Variants in PPP1R17 observed in about 807,000 individuals in gnomAD.
The protein encoded by PPP1R17 is G-substrate.
Under a neutral mutation model 15.9 loss-of-function variants are expected in PPP1R17, and 12 were observed. That is an observed-to-expected ratio of 0.75 (90% CI 0.48 to 1.22). The LOEUF (loss-of-function observed/expected upper bound fraction) is 1.22, where lower values mean the gene tolerates loss of function less well. Ranked by LOEUF, PPP1R17 falls within the 50% of genes most tolerant of loss-of-function variation. PPP1R17 has a pLI of 0.00. For missense variants in PPP1R17, 211 were observed against 187.3 expected (o/e 1.13, Z -0.74); for synonymous variants, 63 against 64.5 (o/e 0.98, Z 0.11).
At chr7:31,695,099 C>G (rs1359924585) in intron 2 of PPP1R17, among the ~76,000 whole-genome samples, 1 of 152,058 alleles carries the variant, frequency 6.6e-6, no homozygotes, top group Admixed American at 6.6e-5. Context: ...CCAAAGAGAG[C>G]AAGTCTTGAG....
At chr7:31,705,639 T>C (rs1793033898) in intron 4 of PPP1R17, among the ~76,000 whole-genome samples, 1 of 152,222 alleles carries the variant, frequency 6.6e-6, no homozygotes, top group African/African-American at 2.4e-5. Flanking sequence ...TTTTCATTAA[T>C]TTACTGCTGT....
chr7:31,706,774 G>C lies in PPP1R17; in HGVS notation c.389-430G>C, dbSNP rs75623184. On this transcript the variant is annotated intron_variant, in intron 4 of 4. Coordinates refer to ENST00000342032, the MANE Select transcript of PPP1R17 (RefSeq NM_006658.5). ...CATTGTGACATATATCTTATTTAATGGTCACAATAACCCTTTATAATAATT... is the reference window on the plus strand; with the variant it reads ...CATTGTGACATATATCTTATTTAATCGTCACAATAACCCTTTATAATAATT... Among the ~76,000 whole-genome samples, 1,004 of 152,286 alleles carry C rather than the reference G, an allele frequency of 6.6e-3. 9 individuals carry two copies. The highest frequency in any genetic ancestry group is 0.023 in the African/African-American group (956 of 41,546).
At chr7:31,687,637 A>T (rs972615419) in intron 1 of PPP1R17, among the ~76,000 whole-genome samples, 4 of 152,196 alleles carry the variant, frequency 2.6e-5, no homozygotes, top group Non-Finnish European at 5.9e-5. Context: ...CTCAAAACAC[A>T]TTCTCCATGC....
At chr7:31,691,752 G>A (rs34167) in intron 1 of PPP1R17, among the ~76,000 whole-genome samples, 94,414 of 145,380 alleles carry the variant, frequency 0.65, 30,796 homozygotes, top group East Asian at 0.83. Context: ...TGTGGATGGG[G>A]AGGTAGTCTC....
At chr7:31,705,645 G>A (rs1168614461) in intron 4 of PPP1R17, among the ~76,000 whole-genome samples, 1 of 152,214 alleles carries the variant, frequency 6.6e-6, no homozygotes, top group Non-Finnish European at 1.5e-5. Context: ...TTAATTTACT[G>A]CTGTTGAATG....
intron 2 of PPP1R17, among the ~76,000 whole-genome samples, chr7:31,694,970 G>T (rs915492906): frequency 3.9e-5 from 6 of 152,150 alleles, no homozygotes; most frequent in African/African-American, 1.4e-4. Flanking sequence ...CCCAAGGTCT[G>T]GATCACCAGG....
chr7:31,701,306 C>T (rs762525273), intron 4 of PPP1R17, among the ~76,000 whole-genome samples: 5 of 152,058 alleles, frequency 3.3e-5, no homozygotes, highest in African/African-American at 7.2e-5. Flanking sequence ...CAGTGGAGGA[C>T]GTAACTGCAA....
intron 4 of PPP1R17, among the ~76,000 whole-genome samples, chr7:31,706,600 T>C (rs965235950): frequency 1.3e-5 from 2 of 152,180 alleles, no homozygotes; most frequent in African/African-American, 4.8e-5. Context: ...AAATGGCATG[T>C]CCAGAGCCTG....
chr7:31,697,557 A>G (rs1268304551), intron 4 of PPP1R17, among the ~76,000 whole-genome samples: 1 of 152,232 alleles, frequency 6.6e-6, no homozygotes, highest in Non-Finnish European at 1.5e-5. Context: ...ATGTGTGTCA[A>G]ATCAAACAAA....
chr7:31,697,195 G>A, intron 4 of PPP1R17, 78 bp downstream of exon 4: 2 of 1,542,314 alleles, frequency 1.3e-6, no homozygotes, highest in Non-Finnish European at 1.7e-6. Context: ...GGTCCCCAGG[G>A]CCTGGCCGTT....
At chr7:31,699,064 G>C (rs1347300584) in intron 4 of PPP1R17, among the ~76,000 whole-genome samples, 1 of 152,290 alleles carries the variant, frequency 6.6e-6, no homozygotes, top group East Asian at 1.9e-4. Flanking sequence ...TTATATTCTA[G>C]GTGGGAGAGA....
At chr7:31,696,451 G>A (rs1338391580) in intron 3 of PPP1R17, among the ~76,000 whole-genome samples, 1 of 152,184 alleles carries the variant, frequency 6.6e-6, no homozygotes, top group Admixed American at 6.5e-5. Flanking sequence ...AAAATTTTAT[G>A]CAAGAGGCTG....
chr7:31,697,178 A>G lies in PPP1R17; in HGVS notation c.388+61A>G, dbSNP rs903672309. 1.9e-6 allele frequency: 3 copies of G among 1,578,970 alleles called. No individual in the cohort carries two copies. The African/African-American group carries it at 4.1e-5, about 21-fold the overall frequency. On this transcript the variant is annotated intron_variant, in intron 4 of 4. Coordinates refer to ENST00000342032, the MANE Select transcript of PPP1R17 (RefSeq NM_006658.5). ...ATGGGGACAGGTCAAGAACCTTACC[A>G]TCTGGAGGTCCCCAGGGCCTGGCCG...
At chr7:31,691,580 C>G (rs1792343791) in intron 1 of PPP1R17, among the ~76,000 whole-genome samples, 1 of 152,006 alleles carries the variant, frequency 6.6e-6, no homozygotes. Flanking sequence ...TCCTGGGCGA[C>G]AGCTATAACT....
intron 1 of PPP1R17, among the ~76,000 whole-genome samples, chr7:31,690,347 G>A (rs964441625): frequency 6.6e-6 from 1 of 152,164 alleles, no homozygotes; most frequent in Non-Finnish European, 1.5e-5. Context: ...CCACCCAGTA[G>A]GTATTATTAT....
intron 1 of PPP1R17, among the ~76,000 whole-genome samples, chr7:31,687,590 A>G (rs866205728): frequency 3.3e-5 from 5 of 152,240 alleles, no homozygotes; most frequent in Admixed American, 2.0e-4. Context: ...AGAGAGGTTT[A>G]TCTTCCAAGG....
intron 1 of PPP1R17, among the ~76,000 whole-genome samples, chr7:31,687,906 A>G (rs993602038): frequency 2.0e-5 from 3 of 152,216 alleles, no homozygotes; most frequent in African/African-American, 7.2e-5. Context: ...TCTTCAGAAT[A>G]CCGTATGGTA....
At chr7:31,698,135 A>C (rs917055419) in intron 4 of PPP1R17, among the ~76,000 whole-genome samples, 20 of 152,222 alleles carry the variant, frequency 1.3e-4, no homozygotes, top group African/African-American at 4.6e-4. Context: ...GAACAGAAGA[A>C]ACACTCTGGG....
At chr7:31,705,488 T>C (rs1793028801) in intron 4 of PPP1R17, among the ~76,000 whole-genome samples, 1 of 152,332 alleles carries the variant, frequency 6.6e-6, no homozygotes, top group Admixed American at 6.5e-5. Context: ...GTTTCATAAG[T>C]GATTTATGCA....
Sources: gnomAD v4.1 joint callset for allele counts (sites outside exome capture counted in the v4.1 genomes callset) on GRCh38, gnomAD v4.1.1 for gene constraint, MANE v1.5 for transcripts, NCBI Gene and HGNC (gene_info 2026-07-23, HGNC 2026-07-21) for gene names.